Variants in LCORL observed in about 807,000 individuals in gnomAD.
The protein encoded by LCORL is ligand-dependent nuclear receptor corepressor-like protein.
LCORL carries 41 observed loss-of-function variants against 141.8 expected under a neutral mutation model. The observed-to-expected ratio is 0.29, with a 90% CI of 0.23 to 0.38. The LOEUF (loss-of-function observed/expected upper bound fraction) is 0.38, where lower values mean the gene tolerates loss of function less well. Ranked by LOEUF, LCORL falls within the 10% of genes least tolerant of loss-of-function variation. The probability of loss-of-function intolerance (pLI) is 1.00; values close to 1 mark genes in which losing one functional copy is unlikely to be tolerated. For missense variants in LCORL, 1,759 were observed against 2,035.0 expected, an observed-to-expected ratio of 0.86 and a Z score of 2.61; for synonymous variants, 618 against 694.1, an observed-to-expected ratio of 0.89 and a Z score of 1.72.
At position 17,883,723 on chromosome 4, in the gene LCORL, C is replaced by T. The variant is rs182772404; in HGVS notation, c.776+2345G>A. 263 of 1,529,702 alleles carry T rather than the reference C, an allele frequency of 1.7e-4. No homozygotes were observed. The African/African-American group carries it at 3.2e-3, about 19-fold the overall frequency. The allele number at this position is 1,529,702 out of a possible 1,614,324, so 94.8% of individuals were successfully genotyped here. On this transcript the variant is annotated intron_variant, in intron 6 of 7. Transcript: ENST00000635767. ...AAACATTTTCCTAACAAGTAATCTA[C>T]ACAGGCTTGCTGCTGTTTTTGCAGC... is the stretch of plus-strand genomic sequence containing the variant.
intron 1 of LCORL, among the ~76,000 whole-genome samples, chr4:18,017,813 T>C (rs964625459): frequency 1.3e-5 from 2 of 152,132 alleles, no homozygotes; most frequent in African/African-American, 4.8e-5. Context: ...ATAAATTGGG[T>C]AACAGTGTAT....
intron 2 of LCORL, among the ~76,000 whole-genome samples, chr4:17,965,070 C>T (rs966270426): frequency 9.9e-5 from 15 of 152,178 alleles, no homozygotes; most frequent in African/African-American, 3.6e-4. Flanking sequence ...GAGATTGTCA[C>T]TTATTTTAGA....
chr4:17,874,494 T>G (rs1726708742), exon 7 of LCORL: 1 of 1,233,850 alleles, frequency 8.1e-7, no homozygotes, highest in Admixed American at 4.2e-5. Flanking sequence ...CAAATCATAC[T>G]TTTTCTGAAA....
chr4:17,860,705 C>T (rs557526011), intron 7 of LCORL, among the ~76,000 whole-genome samples: 18 of 152,324 alleles, frequency 1.2e-4, no homozygotes, highest in Non-Finnish European at 2.2e-4. Flanking sequence ...CAAGTCACTT[C>T]TGCCTATGAG....
chr4:17,879,734 C>T (rs1433457142), intron 6 of LCORL, among the ~76,000 whole-genome samples: 3 of 150,912 alleles, frequency 2.0e-5, no homozygotes, highest in South Asian at 2.1e-4. Flanking sequence ...AATTTTCACA[C>T]AAGCAAAAGA....
chr4:17,924,461 C>A (rs1417452707), intron 4 of LCORL, among the ~76,000 whole-genome samples: 1 of 152,168 alleles, frequency 6.6e-6, no homozygotes, highest in East Asian at 1.9e-4. Context: ...CAACACTGAG[C>A]CCTCAATATG....
intron 1 of LCORL, among the ~76,000 whole-genome samples, chr4:17,984,620 C>T (rs539301941): frequency 6.6e-6 from 1 of 151,892 alleles, no homozygotes; most frequent in Non-Finnish European, 1.5e-5. Context: ...AGTAACATCC[C>T]CTTTGTCTTT....
chr4:17,903,283 T>G (rs148878180), intron 5 of LCORL, among the ~76,000 whole-genome samples: 16 of 152,200 alleles, frequency 1.1e-4, no homozygotes, highest in Non-Finnish European at 2.1e-4. Context: ...ATAATGAAAG[T>G]TCTACCAGAA....
At chr4:18,001,529 T>C (rs1285006668) in intron 1 of LCORL, among the ~76,000 whole-genome samples, 1 of 152,096 alleles carries the variant, frequency 6.6e-6, no homozygotes, top group Non-Finnish European at 1.5e-5. Context: ...CATTTGAATT[T>C]AGAAAAGTTA....
At chr4:17,988,628 C>G (rs1719435506) in intron 1 of LCORL, among the ~76,000 whole-genome samples, 1 of 140,576 alleles carries the variant, frequency 7.1e-6, no homozygotes, top group South Asian at 2.3e-4. Context: ...AGGTCTAGCA[C>G]ATTGTTTACT....
Position 17,884,414 on chromosome 4 carries a change from T to A in LCORL, c.776+1654A>T. On this transcript the variant is annotated intron_variant, in intron 6 of 7. Coordinates refer to ENST00000635767, the Ensembl canonical transcript of LCORL. This position sits in a 1 kb window ranked among gnomAD's most constrained non-coding sequence, Gnocchi z 4.4. ...AGTGGAAGCTGTTGGGAATTTTATT[T>A]CTGAGGTTTCAAGTAGATTGAGTTT... The A allele has an allele frequency of 6.5e-7, 1 of 1,549,714 alleles. No homozygotes were observed. Among genetic ancestry groups the A allele is most frequent in the Non-Finnish European group, 8.7e-7 (1 of 1,146,130 alleles).
intron 4 of LCORL, among the ~76,000 whole-genome samples, chr4:17,924,157 T>G (rs550280130): frequency 1.8e-4 from 27 of 152,242 alleles, no homozygotes; most frequent in Admixed American, 1.7e-3. Context: ...TGGCTGGACC[T>G]CTCTGAGTGC....
At position 18,021,289 on chromosome 4, in the gene LCORL, C is replaced by T. The variant is rs2109923374; in HGVS notation, c.154+309G>A. ...GACGGCGGGCGACGGCGGGCAGCGA[C>T]GGGCGCCGAGGAGTTTCGGGGAGAG... is the stretch of plus-strand genomic sequence containing the variant. On this transcript the variant is annotated intron_variant, in intron 1 of 7. Transcript: ENST00000635767. This position sits in a 1 kb window ranked among gnomAD's most constrained non-coding sequence, Gnocchi z 5.5. 6.6e-6 allele frequency among the ~76,000 whole-genome samples: 1 copy of T among 152,208 alleles called. No homozygotes were observed. Among genetic ancestry groups the T allele is most frequent in the East Asian group, 1.9e-4 (1 of 5,156 alleles).
At chr4:17,875,671 T>C in exon 7 of LCORL, 1 of 1,231,412 alleles carries the variant, frequency 8.1e-7, no homozygotes, top group East Asian at 3.2e-5. Context: ...GTGATGTTTG[T>C]TTGATCAATT....
At chr4:17,865,297 A>G (rs1179285787) in intron 7 of LCORL, among the ~76,000 whole-genome samples, 3 of 152,240 alleles carry the variant, frequency 2.0e-5, no homozygotes, top group South Asian at 4.1e-4. Flanking sequence ...CACAAACAGT[A>G]TATTAGAATT....
intron 1 of LCORL, among the ~76,000 whole-genome samples, chr4:18,020,089 C>T (rs896162024): frequency 1.3e-5 from 2 of 152,172 alleles, no homozygotes; most frequent in Non-Finnish European, 2.9e-5. Flanking sequence ...ATTACTTAAA[C>T]ATCACTTAAA....
intron 5 of LCORL, among the ~76,000 whole-genome samples, chr4:17,899,722 G>A (rs1363385994): frequency 1.3e-5 from 2 of 152,092 alleles, no homozygotes; most frequent in Non-Finnish European, 2.9e-5. Flanking sequence ...AGAATACTTG[G>A]AGAAATTACA....
intron 5 of LCORL, among the ~76,000 whole-genome samples, chr4:17,907,116 T>C (rs1286512847): frequency 6.6e-6 from 1 of 152,164 alleles, no homozygotes; most frequent in East Asian, 1.9e-4. Flanking sequence ...GAAATCTGTT[T>C]CCCTCTAACC....
intron 4 of LCORL, among the ~76,000 whole-genome samples, chr4:17,911,414 C>T (rs1238178456): frequency 6.6e-6 from 1 of 152,148 alleles, no homozygotes; most frequent in East Asian, 1.9e-4. Flanking sequence ...GTGTAAACGG[C>T]ATCTAGTTTG....
Sources: allele counts gnomAD v4.1 joint callset (sites outside exome capture counted in the v4.1 genomes callset), GRCh38; gene constraint gnomAD v4.1.1; non-coding constraint Gnocchi (gnomAD v3.1); transcripts MANE v1.5; gene names NCBI Gene and HGNC (gene_info 2026-07-23, HGNC 2026-07-21).